Variants in KIF21A observed in about 807,000 individuals in gnomAD.
KIF21A encodes the protein kinesin-like protein KIF21A.
In KIF21A, 114 loss-of-function variants were observed where a neutral mutation model predicts 202.9. The observed-to-expected ratio is 0.56, with a 90% CI of 0.48 to 0.66. KIF21A has a LOEUF of 0.66. KIF21A is among the 30% of genes least tolerant of loss of function. The pLI is 0.00. For synonymous variants in KIF21A, 667 were observed against 670.8 expected (o/e 0.99, Z 0.09); for missense variants, 1,677 against 1,994.9 (o/e 0.84, Z 3.04).
chr12:39,416,628 T>C (rs1157224796), intron 1 of KIF21A, among the ~76,000 whole-genome samples: 1 of 137,336 alleles, frequency 7.3e-6, no homozygotes, highest in Non-Finnish European at 1.5e-5. Flanking sequence ...TACATATATA[T>C]GTGTATATAT....
intron 1 of KIF21A, among the ~76,000 whole-genome samples, chr12:39,375,885 C>T (rs1442825647): frequency 1.3e-5 from 2 of 151,974 alleles, no homozygotes; most frequent in African/African-American, 2.4e-5. Flanking sequence ...AATATTATTG[C>T]CATAGCCACA....
In KIF21A at chr12:39,442,961, C is replaced by G; in HGVS notation, c.10G>C (p.Ala4Pro). MLGAPDESSVRVAV... is the reference protein window; with the variant it reads MLGPPDESSVRVAV... The stretch of plus-strand genomic sequence containing the variant: ...ACCCGCACGGAGCTCTCGTCCGGGG[C>G]GCCCAACATGCTGGCGGCGGGCAGC... The change falls in exon 1 of 38, where the codon GCC becomes CCC. Residue 4 changes from alanine (A) to proline (P), a missense_variant. Around this residue, in one of 3 missense-constraint regions of KIF21A, gnomAD observed 966 missense variants for 1,180.9 expected, o/e 0.82. Coordinates refer to ENST00000361418, the MANE Select transcript of KIF21A (RefSeq NM_001173464.2). The surrounding 1 kb of genome is among the most constrained non-coding windows in gnomAD (Gnocchi z 5.0). 6.6e-7 allele frequency: 1 copy of G among 1,522,242 alleles called. No individual in the cohort carries two copies. The highest frequency in any genetic ancestry group is 8.8e-7 in the Non-Finnish European group (1 of 1,142,136). The allele number at this position is 1,522,242 out of a possible 1,614,324, so 94.3% of individuals were successfully genotyped here. A position where few individuals can be genotyped will look rare whatever the true frequency, so the allele number is the denominator to read the frequency against.
At position 39,367,066 on chromosome 12, in the gene KIF21A, A is replaced by G; in HGVS notation, c.699T>C (p.His233=). The G allele has an allele frequency of 1.2e-6, 2 of 1,613,880 alleles. No individual in the cohort carries two copies. Among genetic ancestry groups the G allele is most frequent in the Admixed American group, 3.3e-5 (2 of 60,014 alleles). ...GGGGACACACTCTGGTTTGACACAC[A>G]TGAATGGTAAAAATGGCATGTGAAC... ...SSRSHAIFTI[H]VCQTRVCPQI... Residue 233 remains histidine (H), a synonymous_variant, in exon 5 of 38, where the codon CAT becomes CAC. Transcript: ENST00000361418.
intron 36 of KIF21A, 52 bp from the exon 37 acceptor site, chr12:39,301,731 A>AT (rs1942981613): frequency 6.9e-7 from 1 of 1,439,334 alleles, no homozygotes; most frequent in African/African-American, 1.4e-5. Flanking sequence ...CCAAACTGAC[A>AT]TTTTCACATG....
At chr12:39,379,264 G>A (rs1196766469) in intron 1 of KIF21A, among the ~76,000 whole-genome samples, 2 of 151,270 alleles carry the variant, frequency 1.3e-5, no homozygotes, top group African/African-American at 4.9e-5. Flanking sequence ...GGAGGCAGAG[G>A]TTGCAGTGAG....
chr12:39,297,984 T>C (rs1400606121), intron 37 of KIF21A, among the ~76,000 whole-genome samples: 2 of 149,260 alleles, frequency 1.3e-5, no homozygotes, highest in South Asian at 2.1e-4. Context: ...AAGTTTGAGA[T>C]GATTAAATTT....
chr12:39,356,980 CAAT>C, intron 9 of KIF21A, 85 bp from the exon 10 acceptor site: 1 of 750,440 alleles, frequency 1.3e-6, no homozygotes, highest in Non-Finnish European at 2.2e-6. Context: ...GGAAACAAAA[CAAT>C]AATTTTTTAA....
chr12:39,307,059 T>C (rs1943542842), intron 34 of KIF21A, among the ~76,000 whole-genome samples: 1 of 152,198 alleles, frequency 6.6e-6, no homozygotes, highest in Non-Finnish European at 1.5e-5. Flanking sequence ...AATTTTAATT[T>C]ATCATTTTTT....
intron 1 of KIF21A, among the ~76,000 whole-genome samples, chr12:39,385,178 C>G (rs1210314048): frequency 6.6e-6 from 1 of 152,070 alleles, no homozygotes; most frequent in African/African-American, 2.4e-5. Flanking sequence ...CAAGACAGTT[C>G]TTTCTCAGGA....
At chr12:39,406,089 A>T (rs1420174257) in intron 1 of KIF21A, among the ~76,000 whole-genome samples, 1 of 152,188 alleles carries the variant, frequency 6.6e-6, no homozygotes, top group Non-Finnish European at 1.5e-5. Flanking sequence ...AATTTGAAGT[A>T]ACAGAACAGA....
chr12:39,389,567 A>C (rs1951197851), intron 1 of KIF21A, among the ~76,000 whole-genome samples: 1 of 152,302 alleles, frequency 6.6e-6, no homozygotes, highest in Middle Eastern at 3.4e-3. Context: ...AACCAAATCA[A>C]ATTTGTGAGC....
chr12:39,302,386 T>C (rs927751938), intron 36 of KIF21A, among the ~76,000 whole-genome samples: 12 of 152,308 alleles, frequency 7.9e-5, no homozygotes, highest in Non-Finnish European at 1.5e-4. Context: ...CTACGACATA[T>C]AAATACCCAC....
At chr12:39,440,168 T>C (rs1463163072) in intron 1 of KIF21A, among the ~76,000 whole-genome samples, 2 of 152,224 alleles carry the variant, frequency 1.3e-5, no homozygotes, top group African/African-American at 4.8e-5. Context: ...TTTCTAGCAA[T>C]ATCAAAATAT....
At chr12:39,329,307 G>A (rs1011201147) in intron 24 of KIF21A, among the ~76,000 whole-genome samples, 7 of 152,086 alleles carry the variant, frequency 4.6e-5, no homozygotes, top group African/African-American at 1.7e-4. Context: ...TTTGAAAGTT[G>A]GAAAACAGAG....
intron 7 of KIF21A, 134 bp from the exon 8 acceptor site, chr12:39,358,507 C>T (rs908298124): frequency 7.7e-6 from 6 of 783,158 alleles, no homozygotes; most frequent in Admixed American, 2.2e-5. Flanking sequence ...TTTAAAAGCC[C>T]CTGTACTTGA....
chr12:39,405,963 T>G (rs1952556276), intron 1 of KIF21A, among the ~76,000 whole-genome samples: 1 of 152,184 alleles, frequency 6.6e-6, no homozygotes, highest in South Asian at 2.1e-4. Context: ...AGAAGAAAAT[T>G]TCCCCTTTAG....
At chr12:39,355,637 G>C (rs1186399626) in intron 10 of KIF21A, among the ~76,000 whole-genome samples, 1 of 148,568 alleles carries the variant, frequency 6.7e-6, no homozygotes, top group Non-Finnish European at 1.5e-5. Context: ...TGCAAGTCCA[G>C]GTTGGTTGCT....
intron 1 of KIF21A, among the ~76,000 whole-genome samples, chr12:39,429,259 G>T (rs754251552): frequency 3.3e-5 from 5 of 152,094 alleles, no homozygotes; most frequent in African/African-American, 4.8e-5. Context: ...TACCAACAGA[G>T]AACAAAGATT....
At chr12:39,382,963 G>T (rs981420417) in intron 1 of KIF21A, among the ~76,000 whole-genome samples, 1 of 152,172 alleles carries the variant, frequency 6.6e-6, no homozygotes, top group Non-Finnish European at 1.5e-5. Context: ...CAGAAATGGA[G>T]AATACAAACA....
Sources: allele counts gnomAD v4.1 joint callset (sites outside exome capture counted in the v4.1 genomes callset), GRCh38; gene constraint gnomAD v4.1.1; regional missense constraint gnomAD v4.1.1; non-coding constraint Gnocchi (gnomAD v3.1); transcripts MANE v1.5; gene names NCBI Gene and HGNC (gene_info 2026-07-23, HGNC 2026-07-21).